Variants in WDR33 observed in about 807,000 individuals in gnomAD.
WDR33 encodes the protein pre-mRNA 3' end processing protein WDR33.
In WDR33, 47 loss-of-function variants were observed where a neutral mutation model predicts 164.9. The observed-to-expected ratio is 0.29, with a 90% CI of 0.23 to 0.36. The LOEUF (loss-of-function observed/expected upper bound fraction) is 0.36, where lower values mean the gene tolerates loss of function less well. Among genes scored for constraint, WDR33 ranks in the 10% least tolerant of loss-of-function variants. WDR33 has a pLI of 1.00. For missense variants in WDR33, 1,137 were observed against 1,754.1 expected, an observed-to-expected ratio of 0.65 and a Z score of 6.28; for synonymous variants, 505 against 589.0, an observed-to-expected ratio of 0.86 and a Z score of 2.06.
chr2:127,762,647 A>T, intron 7 of WDR33: 1 of 992,524 alleles, frequency 1.0e-6, no homozygotes, highest in Non-Finnish European at 1.2e-6. Context: ...AACACTAAGA[A>T]GTGTAGCTTT....
chr2:127,733,917 G>C (rs1288732092), intron 7 of WDR33, among the ~76,000 whole-genome samples: 1 of 152,158 alleles, frequency 6.6e-6, no homozygotes, highest in African/African-American at 2.4e-5. Context: ...ACGGAAGCCT[G>C]AAAGGGTTAG....
In WDR33 at chr2:127,723,076, G is replaced by A. The variant is rs1486606085; in HGVS notation, c.1292-32C>T. 5 of 1,558,292 alleles carry A rather than the reference G, an allele frequency of 3.2e-6. No individual in the cohort carries two copies. The Admixed American group carries it at 8.0e-5, about 25-fold the overall frequency. On this transcript the variant is annotated intron_variant, in intron 12 of 21. Transcript: ENST00000322313. This position sits in a 1 kb window ranked among gnomAD's most constrained non-coding sequence, Gnocchi z 5.9. ...ATAGTAATACACCATTGTCAATAGAGAATTTACAAAAGTAGCGACTGATAA... is the reference window on the plus strand; with the variant it reads ...ATAGTAATACACCATTGTCAATAGAAAATTTACAAAAGTAGCGACTGATAA...
chr2:127,778,994 A>C (rs1688283959), intron 1 of WDR33, among the ~76,000 whole-genome samples: 1 of 152,148 alleles, frequency 6.6e-6, no homozygotes, highest in Non-Finnish European at 1.5e-5. Context: ...AAATGAGTAA[A>C]AAGAGTTTTA....
rs1179361863 is a variant in WDR33 at position 127,713,966 on chromosome 2, A to G, written c.2925T>C (p.His975=). 1.3e-6 allele frequency: 2 copies of G among 1,564,888 alleles called. No homozygotes were observed. The highest frequency in any genetic ancestry group is 2.7e-5 in the African/African-American group (2 of 73,414). Residue 975 remains histidine, a synonymous_variant, in exon 18 of 22, where the codon CAT becomes CAC. Transcript: ENST00000322313. The surrounding 1 kb of genome is among the most constrained non-coding windows in gnomAD (Gnocchi z 6.2). ...CATGCTCAGGCCCGCCGCTCTGCTC[A>G]TGCCGCCTCTCTGACATCGGGCCCA... ...HHMGPMSERR[H]EQSGGPEHGP... is the part of the protein sequence containing the mutation.
At chr2:127,747,409 C>T (rs952164204) in intron 7 of WDR33, among the ~76,000 whole-genome samples, 1 of 144,866 alleles carries the variant, frequency 6.9e-6, no homozygotes, top group Non-Finnish European at 1.5e-5. Context: ...TCCAAATCAA[C>T]AATATTTTAG....
At chr2:127,715,603 A>G (rs1195426231) in intron 17 of WDR33, among the ~76,000 whole-genome samples, 1 of 152,096 alleles carries the variant, frequency 6.6e-6, no homozygotes, top group African/African-American at 2.4e-5. Context: ...AGGCTCCCTC[A>G]CTTCTCAGTG....
rs1686020101 is a variant in WDR33 at position 127,706,579 on chromosome 2, A to G, written c.3782-27T>C. 6.3e-7 allele frequency: 1 copy of G among 1,576,994 alleles called. No homozygotes were observed. The highest frequency in any genetic ancestry group is 1.4e-5 in the African/African-American group (1 of 73,240). ...TGAAACAAAGAAAATTTCACATGGG[A>G]CTTTTTGTATTAGCAACTGTTTGTC... On this transcript the variant is annotated intron_variant, in intron 21 of 21. Coordinates refer to ENST00000322313, the MANE Select transcript of WDR33 (RefSeq NM_018383.5). The surrounding 1 kb of genome is among the most constrained non-coding windows in gnomAD (Gnocchi z 5.1).
At position 127,706,574 on chromosome 2, in the gene WDR33, A is replaced by G. The variant is rs764238608; in HGVS notation, c.3782-22T>C. The stretch of plus-strand genomic sequence containing the variant: ...CGGCCTGAAACAAAGAAAATTTCAC[A>G]TGGGACTTTTTGTATTAGCAACTGT... On this transcript the variant is annotated intron_variant, in intron 21 of 21. Transcript: ENST00000322313. This position sits in a 1 kb window ranked among gnomAD's most constrained non-coding sequence, Gnocchi z 5.1. The G allele has an allele frequency of 1.0e-5, 16 of 1,582,128 alleles. No homozygotes were observed. The African/African-American group carries it at 1.9e-4, about 19-fold the overall frequency.
rs536632138 is a variant in WDR33, at chr2:127,712,589, C to T, written c.3308+994G>A. The stretch of plus-strand genomic sequence containing the variant: ...TGAATCAGCATAAGATGCTGACAGT[C>T]GCACCTATCTCACAAATTCTTTAAA... On this transcript the variant is annotated intron_variant, in intron 18 of 21. Coordinates refer to ENST00000322313, the MANE Select transcript of WDR33 (RefSeq NM_018383.5). This position sits in a 1 kb window ranked among gnomAD's most constrained non-coding sequence, Gnocchi z 4.0. Among the ~76,000 whole-genome samples, 6 of 152,294 alleles carry T rather than the reference C, an allele frequency of 3.9e-5. No individual in the cohort carries two copies. Among genetic ancestry groups the T allele is most frequent in the South Asian group, 2.1e-4 (1 of 4,818 alleles).
intron 1 of WDR33, among the ~76,000 whole-genome samples, chr2:127,786,844 C>CTTTTTTTTTTTTTTTTT (rs71307273): frequency 1.8e-5 from 2 of 111,876 alleles, no homozygotes; most frequent in Admixed American, 9.4e-5. Flanking sequence ...CCTTTCTGTT[C>CTTTTTTTTTTTTTTTTT]TTTTTTTTTT....
At position 127,704,617 on chromosome 2, in the gene WDR33, T is replaced by TA. The variant is rs546174820; in HGVS notation, c.*1705dup. On this transcript the variant is annotated 3_prime_UTR_variant, in exon 22 of 22. Coordinates refer to ENST00000322313, the MANE Select transcript of WDR33 (RefSeq NM_018383.5). ...ATTAAATAAGCTGTAATTTCAAAGT[T>TA]AAAAAAAAAATAGTCTCTAGATTCT... 239 of 163,132 alleles carry TA rather than the reference T, an allele frequency of 1.5e-3. No individual in the cohort carries two copies. The highest frequency in any genetic ancestry group is 3.4e-3 in the South Asian group (16 of 4,720). The allele number at this position is 163,132 out of a possible 1,614,324, so 10.1% of individuals were successfully genotyped here. A position where few individuals can be genotyped will look rare whatever the true frequency, so the allele number is the denominator to read the frequency against.
rs201681607 is a variant in WDR33, at chr2:127,805,068, C to CTTTTTTTTTTTT, written c.-24+5932_-24+5943dup. Among the ~76,000 whole-genome samples the CTTTTTTTTTTTT allele has an allele frequency of 1.5e-4, 13 of 84,418 alleles. 1 individual carries two copies. Among genetic ancestry groups the CTTTTTTTTTTTT allele is most frequent in the African/African-American group, 3.0e-4 (6 of 19,914 alleles). The allele number at this position is 84,418 out of a possible 152,430, so 55.4% of individuals were successfully genotyped here. ...CGTATCATCACCTGTGAAGTTTTTT[C>CTTTTTTTTTTTT]TTTTTTTTTTTTTTTTTTTTTTTTT... is the stretch of plus-strand genomic sequence containing the variant. On this transcript the variant is annotated intron_variant, in intron 1 of 21. Transcript: ENST00000322313.
In WDR33 at chr2:127,726,595, A is replaced by G; in HGVS notation, c.851+56T>C. The stretch of plus-strand genomic sequence containing the variant: ...AGAAAACAAAGCTAAAAGTTAAAGG[A>G]CACACTGCTTTGCTCCCCTTTGTTC... On this transcript the variant is annotated intron_variant, in intron 8 of 21. Coordinates refer to ENST00000322313, the MANE Select transcript of WDR33 (RefSeq NM_018383.5). The surrounding 1 kb of genome is among the most constrained non-coding windows in gnomAD (Gnocchi z 4.8). 6.3e-7 allele frequency: 1 copy of G among 1,591,948 alleles called. No homozygotes were observed. Among genetic ancestry groups the G allele is most frequent in the Non-Finnish European group, 8.5e-7 (1 of 1,170,872 alleles).
Position 127,713,512 on chromosome 2 carries a change from A to G in WDR33, c.3308+71T>C. ...TCTTTCCTCAAGAAAAAGAAGAAAGAGACCTTTGTGGAGACAGCAGATAAA... is the reference window on the plus strand; with the variant it reads ...TCTTTCCTCAAGAAAAAGAAGAAAGGGACCTTTGTGGAGACAGCAGATAAA... On this transcript the variant is annotated intron_variant, in intron 18 of 21. Coordinates refer to ENST00000322313, the MANE Select transcript of WDR33 (RefSeq NM_018383.5). The surrounding 1 kb of genome is among the most constrained non-coding windows in gnomAD (Gnocchi z 6.2). 15 of 1,514,178 alleles carry G rather than the reference A, an allele frequency of 9.9e-6. No individual in the cohort carries two copies. The highest frequency in any genetic ancestry group is 1.3e-5 in the Non-Finnish European group (15 of 1,111,604). 93.8% of individuals were successfully genotyped at this position (1,514,178 alleles called of 1,614,324 possible).
At chr2:127,762,723 A>C in intron 7 of WDR33, 1 of 1,052,308 alleles carries the variant, frequency 9.5e-7, no homozygotes, top group Non-Finnish European at 1.1e-6. Context: ...CGGCTATCTA[A>C]ATCAAACCAC....
intron 1 of WDR33, among the ~76,000 whole-genome samples, chr2:127,800,806 T>C (rs527390611): frequency 6.6e-5 from 10 of 152,264 alleles, no homozygotes; most frequent in Non-Finnish European, 1.2e-4. Flanking sequence ...ACTGAAACTT[T>C]ATTAAAGCTA....
At chr2:127,782,055 A>G (rs1688390822) in intron 1 of WDR33, among the ~76,000 whole-genome samples, 1 of 151,760 alleles carries the variant, frequency 6.6e-6, no homozygotes, top group African/African-American at 2.4e-5. Flanking sequence ...GGAATATTCA[A>G]AGTCAAGTGT....
Position 127,808,826 on chromosome 2 carries a change from C to G in WDR33, c.-24+2186G>C, listed in dbSNP as rs200607496. 7.9e-5 allele frequency among the ~76,000 whole-genome samples: 12 copies of G among 152,110 alleles called. No individual in the cohort carries two copies. The East Asian group carries it at 2.1e-3, about 27-fold the overall frequency. On this transcript the variant is annotated intron_variant, in intron 1 of 21. Transcript: ENST00000322313. Reference sequence around the variant, plus strand: ...TGGGCGGATCACGAGGTCAGGAGATCGAGACCATCCTAGCTAACACGGTGA... The same window carrying G: ...TGGGCGGATCACGAGGTCAGGAGATGGAGACCATCCTAGCTAACACGGTGA...
rs185595234 is a variant in WDR33, at chr2:127,795,194, G to A, written c.-24+15818C>T. On this transcript the variant is annotated intron_variant, in intron 1 of 21. Coordinates refer to ENST00000322313, the MANE Select transcript of WDR33 (RefSeq NM_018383.5). ...CGGCTTACTGCAACCTCTGCCTCTC[G>A]GGTTCAAGCAATTCTCCTGCCTCAG... is the stretch of plus-strand genomic sequence containing the variant. Among the ~76,000 whole-genome samples, 641 of 148,856 alleles carry A rather than the reference G, an allele frequency of 4.3e-3. 8 individuals are homozygous for A. The highest frequency in any genetic ancestry group is 0.016 in the African/African-American group (618 of 39,712).
Sources: gnomAD v4.1 joint callset for allele counts (sites outside exome capture counted in the v4.1 genomes callset) on GRCh38, gnomAD v4.1.1 for gene constraint, Gnocchi (gnomAD v3.1) non-coding constraint, MANE v1.5 for transcripts, NCBI Gene and HGNC (gene_info 2026-07-23, HGNC 2026-07-21) for gene names.